The following SATB2 variants were observed in gnomAD, a reference collection of about 807,000 sequenced individuals.
SATB2 encodes the protein DNA-binding protein SATB2.
Under a neutral mutation model 73.4 loss-of-function variants are expected in SATB2, and 1 was observed. That is an observed-to-expected ratio of 0.01 (90% CI 0.00 to 0.06). The LOEUF is 0.06. Among genes scored for constraint, SATB2 ranks in the 10% least tolerant of loss-of-function variants. The pLI is 1.00. For missense variants in SATB2, 459 were observed against 945.8 expected, an observed-to-expected ratio of 0.49 and a Z score of 6.75; for synonymous variants, 397 against 367.0, an observed-to-expected ratio of 1.08 and a Z score of -0.93.
chr2:199,276,966 T>C (rs1574463129), intron 10 of SATB2, among the ~76,000 whole-genome samples: 2 of 152,198 alleles, frequency 1.3e-5, no homozygotes, highest in Admixed American at 6.5e-5. Context: ...TATACTTATA[T>C]AACCGAGCAG....
chr2:199,348,974 G>A lies in SATB2; in HGVS notation c.900C>T (p.Pro300=). Residue 300 remains proline (P), a synonymous_variant, in exon 7 of 11, where the codon CCC becomes CCT. Transcript: ENST00000417098. ...QPIMSPGLLS[P]QLSPQLVRQQ... ...GCCTTACAAGTTGTGGACTAAGCTGGGGAGAAAGAAGACCAGGGCTCATGA... is the reference window on the plus strand; with the variant it reads ...GCCTTACAAGTTGTGGACTAAGCTGAGGAGAAAGAAGACCAGGGCTCATGA... 1.2e-6 allele frequency: 2 copies of A among 1,614,118 alleles called. No homozygotes were observed. Among genetic ancestry groups the A allele is most frequent in the Non-Finnish European group, 1.7e-6 (2 of 1,179,996 alleles).
chr2:199,384,709 T>C (rs535798463), intron 3 of SATB2, among the ~76,000 whole-genome samples: 2 of 152,306 alleles, frequency 1.3e-5, no homozygotes, highest in South Asian at 4.1e-4. Context: ...CTACTAATTA[T>C]GTAACCCTAC....
intron 1 of SATB2, among the ~76,000 whole-genome samples, chr2:199,456,986 G>C (rs952779799): frequency 4.1e-5 from 6 of 147,460 alleles, no homozygotes; most frequent in Non-Finnish European, 6.0e-5. Context: ...GGGGGGGGGC[G>C]GGGAAGGAGG....
chr2:199,319,229 A>T (rs1435100075), intron 9 of SATB2, among the ~76,000 whole-genome samples: 1 of 152,154 alleles, frequency 6.6e-6, no homozygotes, highest in Non-Finnish European at 1.5e-5. Flanking sequence ...AGTGTGTAGT[A>T]GGAAGAAAAA....
At chr2:199,290,454 C>T (rs756585696) in intron 10 of SATB2, among the ~76,000 whole-genome samples, 1 of 152,206 alleles carries the variant, frequency 6.6e-6, no homozygotes, top group Non-Finnish European at 1.5e-5. Context: ...CCATATTACA[C>T]AGACTGAAAG....
rs779300741 is a variant in SATB2 at position 199,328,926 on chromosome 2, A to G, written c.1174-16T>C. The stretch of plus-strand genomic sequence containing the variant: ...ACAACAATCCCTGATTAAATGGGGG[A>G]AAAAAACAGACCAAGTCACATTTGC... On this transcript the variant is annotated splice_polypyrimidine_tract_variant and intron_variant, in intron 7 of 10. Coordinates refer to ENST00000417098, the MANE Select transcript of SATB2 (RefSeq NM_001172509.2). 46 of 1,587,272 alleles carry G rather than the reference A, an allele frequency of 2.9e-5. No homozygotes were observed. In the South Asian group the frequency reaches 4.7e-4, roughly 16 times the overall value.
chr2:199,280,323 C>T (rs1692448454), intron 10 of SATB2, among the ~76,000 whole-genome samples: 1 of 152,158 alleles, frequency 6.6e-6, no homozygotes, highest in South Asian at 2.1e-4. Context: ...CCTCAGGACC[C>T]TGTGATGATT....
chr2:199,418,506 T>C (rs527337110), intron 3 of SATB2, among the ~76,000 whole-genome samples: 20 of 152,336 alleles, frequency 1.3e-4, no homozygotes, highest in African/African-American at 4.8e-4. Flanking sequence ...TAATATAAAA[T>C]GTGAAATTTT....
intron 5 of SATB2, among the ~76,000 whole-genome samples, chr2:199,378,480 T>G (rs2105863055): frequency 6.6e-6 from 1 of 152,314 alleles, no homozygotes; most frequent in South Asian, 2.1e-4. Context: ...GTAACAAGGC[T>G]TTAACATCTA....
Position 199,464,143 on chromosome 2 carries a change from C to G in SATB2, c.-141+693G>C, listed in dbSNP as rs572221866. Among the ~76,000 whole-genome samples, 1 of 152,278 alleles carries G rather than the reference C, an allele frequency of 6.6e-6. No homozygotes were observed. The highest frequency in any genetic ancestry group is 2.4e-5 in the African/African-American group (1 of 41,564). ...CGCCTGTTTTCTCGGTATCACGAAT[C>G]CCCTCGGACACCGTTTCAGTCCGTC... On this transcript the variant is annotated intron_variant, in intron 1 of 11. Transcript: ENST00000260926. The surrounding 1 kb of genome is among the most constrained non-coding windows in gnomAD (Gnocchi z 6.6).
chr2:199,388,619 T>C lies in SATB2; in HGVS notation c.347-6799A>G, dbSNP rs545203396. ...TTCAGCTGGATGGATAATTTTCTTT[T>C]ATTCCAGGTGCATTTTAACATTAAT... On this transcript the variant is annotated intron_variant, in intron 3 of 10. Coordinates refer to ENST00000417098, the MANE Select transcript of SATB2 (RefSeq NM_001172509.2). 2.6e-5 allele frequency among the ~76,000 whole-genome samples: 4 copies of C among 152,300 alleles called. No individual in the cohort carries two copies. The East Asian group carries it at 5.8e-4, about 22-fold the overall frequency.
intron 7 of SATB2, among the ~76,000 whole-genome samples, chr2:199,331,192 A>T (rs1164774073): frequency 6.9e-6 from 1 of 145,090 alleles, no homozygotes; most frequent in Non-Finnish European, 1.5e-5. Context: ...ATTTTAAAAC[A>T]CAGAGTGTTT....
At chr2:199,290,242 G>C (rs1007130097) in intron 10 of SATB2, among the ~76,000 whole-genome samples, 2 of 152,216 alleles carry the variant, frequency 1.3e-5, no homozygotes, top group African/African-American at 4.8e-5. Context: ...CCAGGTTTGG[G>C]GCAGGCATGC....
intron 3 of SATB2, among the ~76,000 whole-genome samples, chr2:199,382,395 C>T (rs1300473824): frequency 6.6e-6 from 1 of 152,160 alleles, no homozygotes; most frequent in Admixed American, 6.5e-5. Flanking sequence ...GGTGATTGAC[C>T]ACAGATCAGA....
chr2:199,456,190 T>G lies in SATB2; in HGVS notation c.-59-94A>C. ...GACGTTCAGGCCAGTGGCAGAGCGCTGCACCACAGCCACACAAACTTCCTC... is the reference window on the plus strand; with the variant it reads ...GACGTTCAGGCCAGTGGCAGAGCGCGGCACCACAGCCACACAAACTTCCTC... On this transcript the variant is annotated intron_variant, in intron 1 of 10. Transcript: ENST00000417098. The G allele has an allele frequency of 3.9e-6, 3 of 775,066 alleles. No individual in the cohort carries two copies. The East Asian group carries it at 8.0e-5, about 21-fold the overall frequency. The allele number at this position is 775,066 out of a possible 1,614,324, so 48.0% of individuals were successfully genotyped here. A position where few individuals can be genotyped will look rare whatever the true frequency, so the allele number is the denominator to read the frequency against.
At chr2:199,295,932 T>G (rs1014980595) in intron 10 of SATB2, among the ~76,000 whole-genome samples, 9 of 152,194 alleles carry the variant, frequency 5.9e-5, no homozygotes, top group Admixed American at 1.3e-4. Context: ...TTGGCAGTTT[T>G]CCTTTAATTG....
intron 10 of SATB2, among the ~76,000 whole-genome samples, chr2:199,298,167 AT>A (rs1173745133): frequency 6.6e-6 from 1 of 152,180 alleles, no homozygotes; most frequent in Non-Finnish European, 1.5e-5. Flanking sequence ...AGCTACTAAC[AT>A]TTCTCAGGTG....
Position 199,272,645 on chromosome 2 carries a change from C to T in SATB2, c.1768G>A (p.Ala590Thr), listed in dbSNP as rs1692195440. 2 of 1,614,046 alleles carry T rather than the reference C, an allele frequency of 1.2e-6. No homozygotes were observed. Among genetic ancestry groups the T allele is most frequent in the Admixed American group, 1.7e-5 (1 of 60,016 alleles). Residue 590 changes from alanine to threonine, a missense_variant, in exon 11 of 11, where the codon GCC becomes ACC. By Grantham distance (58) the Ala-to-Thr change is moderately conservative (BLOSUM62 0). Coordinates refer to ENST00000417098, the MANE Select transcript of SATB2 (RefSeq NM_001172509.2). This position sits in a 1 kb window ranked among gnomAD's most constrained non-coding sequence, Gnocchi z 6.7. ...TCTCTGGGAGGGGAACTCTCCTTGG[C>T]TGGCTGAGACTGCTGTCTATGAAGT... ...QVLHRQQSQP[A>T]KESSPPREEA... is the part of the protein sequence containing the mutation.
At chr2:199,354,411 G>C (rs184678588) in intron 6 of SATB2, among the ~76,000 whole-genome samples, 1 of 152,232 alleles carries the variant, frequency 6.6e-6, no homozygotes, top group East Asian at 1.9e-4. Flanking sequence ...TTAAATCAGA[G>C]CTGCAATTTA....
Sources: gnomAD v4.1 joint callset for allele counts (sites outside exome capture counted in the v4.1 genomes callset) on GRCh38, gnomAD v4.1.1 for gene constraint, Gnocchi (gnomAD v3.1) non-coding constraint, MANE v1.5 for transcripts, NCBI Gene and HGNC (gene_info 2026-07-23, HGNC 2026-07-21) for gene names.